FREM2: variants seen among roughly 807,000 people sequenced by gnomAD.
The protein encoded by FREM2 is FRAS1 related extracellular matrix 2.
Under a neutral mutation model 219.9 loss-of-function variants are expected in FREM2, and 119 were observed. The observed-to-expected ratio is 0.54, with a 90% CI of 0.47 to 0.63. The LOEUF is 0.63. FREM2 is among the 30% of genes least tolerant of loss of function. The probability of loss-of-function intolerance (pLI) is 0.00; values close to 1 mark genes in which losing one functional copy is unlikely to be tolerated. For missense variants in FREM2, 4,030 were observed against 3,993.6 expected (o/e 1.01, Z -0.25); for synonymous variants, 1,562 against 1,522.8 (o/e 1.03, Z -0.60).
At chr13:38,839,383 A>T (rs4943610) in intron 6 of FREM2, among the ~76,000 whole-genome samples, 21,553 of 152,214 alleles carry the variant, frequency 0.14, 1,767 homozygotes, top group Admixed American at 0.24. Flanking sequence ...GCTCTCCAGT[A>T]TGAGGTGTCT....
chr13:38,790,386 G>A (rs764972687), intron 6 of FREM2, among the ~76,000 whole-genome samples: 7 of 151,980 alleles, frequency 4.6e-5, no homozygotes, highest in Non-Finnish European at 2.9e-5. Flanking sequence ...ATTCTGTCTT[G>A]TGAGAGTATT....
chr13:38,708,908 C>T (rs1870647749), intron 2 of FREM2, among the ~76,000 whole-genome samples: 1 of 152,086 alleles, frequency 6.6e-6, no homozygotes, highest in East Asian at 1.9e-4. Flanking sequence ...TACAGGTGCC[C>T]GCCATGACGC....
intron 4 of FREM2, among the ~76,000 whole-genome samples, chr13:38,781,826 C>T (rs1874129338): frequency 6.6e-6 from 1 of 152,166 alleles, no homozygotes; most frequent in Non-Finnish European, 1.5e-5. Context: ...GCCCCATCAC[C>T]ACCTCTAGGC....
intron 6 of FREM2, among the ~76,000 whole-genome samples, chr13:38,785,181 C>T (rs781723760): frequency 8.5e-5 from 13 of 152,080 alleles, no homozygotes; most frequent in Non-Finnish European, 1.5e-4. Context: ...ACTTTAATCT[C>T]AGTGTTTGAA....
intron 20 of FREM2, 127 bp downstream of exon 20, chr13:38,876,509 C>T: frequency 1.2e-6 from 1 of 832,752 alleles, no homozygotes; most frequent in Non-Finnish European, 1.9e-6. Flanking sequence ...GAAAAGAAAT[C>T]AGACAGTTAA....
chr13:38,727,139 C>G (rs1461014550), intron 2 of FREM2, among the ~76,000 whole-genome samples: 1 of 152,108 alleles, frequency 6.6e-6, no homozygotes, highest in African/African-American at 2.4e-5. Flanking sequence ...TCTATTGCAT[C>G]AAAACACCTC....
intron 2 of FREM2, among the ~76,000 whole-genome samples, chr13:38,751,832 T>C (rs1872782509): frequency 6.6e-6 from 1 of 151,224 alleles, no homozygotes. Flanking sequence ...ACTGGAGCTC[T>C]AAGACCACAC....
At chr13:38,849,722 C>T (rs988730383) in intron 8 of FREM2, among the ~76,000 whole-genome samples, 8 of 152,184 alleles carry the variant, frequency 5.3e-5, no homozygotes, top group African/African-American at 7.2e-5. Flanking sequence ...GTGTTCTTCA[C>T]GTCAGGAAAT....
intron 7 of FREM2, among the ~76,000 whole-genome samples, chr13:38,848,056 C>T (rs960777808): frequency 2.6e-5 from 4 of 152,130 alleles, no homozygotes; most frequent in African/African-American, 9.7e-5. Flanking sequence ...TACATAAATA[C>T]TTAATTAATG....
chr13:38,788,638 GTCTTT>G (rs1409528503), intron 6 of FREM2, among the ~76,000 whole-genome samples: 1 of 152,044 alleles, frequency 6.6e-6, no homozygotes, highest in Non-Finnish European at 1.5e-5. Flanking sequence ...ATCACAGTTT[GTCTTT>G]TCTTTGATAA....
chr13:38,724,684 A>C (rs1327947194), intron 2 of FREM2, among the ~76,000 whole-genome samples: 2 of 152,194 alleles, frequency 1.3e-5, no homozygotes, highest in African/African-American at 2.4e-5. Flanking sequence ...TAGAACCAAC[A>C]TTATGAGAAC....
intron 6 of FREM2, among the ~76,000 whole-genome samples, chr13:38,825,894 G>C (rs577865301): frequency 6.6e-5 from 10 of 152,114 alleles, no homozygotes; most frequent in African/African-American, 2.4e-4. Context: ...TATTAGACAG[G>C]TTTTTATTCT....
Position 38,687,798 on chromosome 13 carries a change from C to T in FREM2, c.454C>T (p.Arg152Trp), listed in dbSNP as rs867371419. The T allele has an allele frequency of 1.3e-6, 2 of 1,538,812 alleles. No homozygotes were observed. Among genetic ancestry groups the T allele is most frequent in the Admixed American group, 1.9e-5 (1 of 52,648 alleles). Reference sequence around the variant, plus strand: ...GCGCAGCCCGTCTCGGGACCGCGTCCGGCTGCAGCTGCGCTATGACGCGCC... The same window carrying T: ...GCGCAGCCCGTCTCGGGACCGCGTCTGGCTGCAGCTGCGCTATGACGCGCC... ...GARSPSRDRV[R>W]LQLRYDAPGG... Residue 152 changes from arginine to tryptophan, a missense_variant, in exon 1 of 24, where the codon CGG becomes TGG. Arg to Trp is a moderately radical substitution (Grantham distance 101). Transcript: ENST00000280481.
At chr13:38,802,708 G>A (rs1875065250) in intron 6 of FREM2, among the ~76,000 whole-genome samples, 1 of 152,196 alleles carries the variant, frequency 6.6e-6, no homozygotes, top group Non-Finnish European at 1.5e-5. Context: ...ATGGCACCAA[G>A]CTGTAGCTGC....
chr13:38,859,711 A>G (rs1877696150), intron 14 of FREM2, 121 bp downstream of exon 14: 1 of 994,162 alleles, frequency 1.0e-6, no homozygotes, highest in Non-Finnish European at 1.5e-6. Context: ...GTAAGTAGTG[A>G]AAAATTAAAA....
intron 23 of FREM2, among the ~76,000 whole-genome samples, chr13:38,879,860 C>T (rs992174222): frequency 6.6e-6 from 1 of 152,088 alleles, no homozygotes; most frequent in African/African-American, 2.4e-5. Context: ...GTCTTATATG[C>T]AATAAGCAGC....
rs9603462 is a variant in FREM2 at position 38,876,310 on chromosome 13, G to C, written c.8472G>C (p.Gln2824His). 3 of 1,613,980 alleles carry C rather than the reference G, an allele frequency of 1.9e-6. No individual in the cohort carries two copies. Among genetic ancestry groups the C allele is most frequent in the Non-Finnish European group, 2.5e-6 (3 of 1,179,958 alleles). Residue 2824 changes from glutamine (Q) to histidine (H), a missense_variant, in exon 20 of 24, where the codon CAG becomes CAC. Around this residue, in one of 2 missense-constraint regions of FREM2, gnomAD observed 928 missense variants for 1,042.9 expected, o/e 0.89. Transcript: ENST00000280481. ...TGCCATGCACTGCCCCATCACATCA[G>C]GAATACCGCCTGCCAGTCACCTGCA... ...KLVPCTAPSH[Q>H]EYRLPVTCNP...
intron 1 of FREM2, among the ~76,000 whole-genome samples, chr13:38,696,081 GA>G (rs1193206223): frequency 6.6e-6 from 1 of 152,154 alleles, no homozygotes; most frequent in African/African-American, 2.4e-5. Flanking sequence ...GCTGATGTGG[GA>G]GGATTGCTTG....
At chr13:38,800,578 T>C (rs1199406990) in intron 6 of FREM2, among the ~76,000 whole-genome samples, 1 of 152,194 alleles carries the variant, frequency 6.6e-6, no homozygotes, top group East Asian at 1.9e-4. Flanking sequence ...GGGCCTCCTA[T>C]ATCTGAATGT....
Sources: allele counts gnomAD v4.1 joint callset (sites outside exome capture counted in the v4.1 genomes callset), GRCh38; gene constraint gnomAD v4.1.1; regional missense constraint gnomAD v4.1.1; transcripts MANE v1.5; gene names NCBI Gene and HGNC (gene_info 2026-07-23, HGNC 2026-07-21).